GALNT7: variants seen among roughly 807,000 people sequenced by gnomAD.
The protein encoded by GALNT7 is N-acetylgalactosaminyltransferase 7.
A neutral mutation model predicts 82.1 loss-of-function variants in GALNT7; 60 were observed. The observed-to-expected ratio is 0.73, with a 90% CI of 0.59 to 0.91. The LOEUF is 0.91. Ranked by LOEUF, GALNT7 falls within the 40% of genes least tolerant of loss-of-function variation. GALNT7 has a pLI of 0.00. For missense variants in GALNT7, 660 were observed against 804.2 expected (o/e 0.82, Z 2.17); for synonymous variants, 243 against 275.1 (o/e 0.88, Z 1.15).
intron 8 of GALNT7, among the ~76,000 whole-genome samples, chr4:173,305,740 TTC>T (rs1368532104): frequency 6.6e-6 from 1 of 152,188 alleles, no homozygotes; most frequent in East Asian, 1.9e-4. Context: ...CTCTGTTCTG[TTC>T]TTTTGGTCTA....
chr4:173,265,609 CTCTCTCTCTCT>C (rs1735455661), intron 2 of GALNT7, among the ~76,000 whole-genome samples: 1 of 149,134 alleles, frequency 6.7e-6, no homozygotes, highest in Non-Finnish European at 1.5e-5. Context: ...CTCTCTCTCT[CTCTCTCTCTCT>C]GTCTCTGTCT....
chr4:173,174,163 C>G (rs151113511), intron 1 of GALNT7, among the ~76,000 whole-genome samples: 14 of 152,240 alleles, frequency 9.2e-5, no homozygotes, highest in Admixed American at 7.8e-4. Flanking sequence ...CTTCTCCCCC[C>G]ACACATAATA....
chr4:173,263,820 A>T (rs1735371479), intron 2 of GALNT7, among the ~76,000 whole-genome samples: 1 of 152,176 alleles, frequency 6.6e-6, no homozygotes, highest in Non-Finnish European at 1.5e-5. Context: ...AAAGTTGTCC[A>T]TATTTTTTAA....
chr4:173,265,079 C>T (rs907583089), intron 2 of GALNT7, among the ~76,000 whole-genome samples: 1 of 152,232 alleles, frequency 6.6e-6, no homozygotes, highest in Non-Finnish European at 1.5e-5. Flanking sequence ...CTGTGCCCAT[C>T]CTGGCAAGGA....
chr4:173,178,848 A>C (rs750882752), intron 1 of GALNT7, among the ~76,000 whole-genome samples: 1 of 152,260 alleles, frequency 6.6e-6, no homozygotes, highest in East Asian at 1.9e-4. Flanking sequence ...ATTACAAAGA[A>C]TATTTTAAAC....
intron 1 of GALNT7, among the ~76,000 whole-genome samples, chr4:173,244,797 A>G (rs1381145465): frequency 1.3e-5 from 2 of 152,146 alleles, no homozygotes; most frequent in East Asian, 3.9e-4. Flanking sequence ...ATTGACAGGA[A>G]TTTATGATTA....
intron 8 of GALNT7, among the ~76,000 whole-genome samples, chr4:173,310,448 C>T (rs1737338361): frequency 6.6e-6 from 1 of 152,290 alleles, no homozygotes; most frequent in Admixed American, 6.5e-5. Flanking sequence ...TGGCTCTTTG[C>T]CATCAAGTTC....
intron 6 of GALNT7, among the ~76,000 whole-genome samples, chr4:173,299,690 T>C (rs1334990670): frequency 1.3e-5 from 2 of 152,018 alleles, no homozygotes; most frequent in Non-Finnish European, 2.9e-5. Context: ...CTACTAAATA[T>C]ACAAAATTAG....
intron 6 of GALNT7, 61 bp downstream of exon 6, chr4:173,298,358 CT>C: frequency 9.2e-7 from 1 of 1,084,470 alleles, no homozygotes; most frequent in Non-Finnish European, 1.3e-6. Flanking sequence ...CTATTAACCT[CT>C]TGCCAAGCTA....
intron 1 of GALNT7, among the ~76,000 whole-genome samples, chr4:173,246,221 C>T (rs990770467): frequency 6.6e-6 from 1 of 152,076 alleles, no homozygotes; most frequent in Non-Finnish European, 1.5e-5. Flanking sequence ...TGATTATTGC[C>T]CTATGCAGAG....
At chr4:173,280,938 T>G (rs945176032) in intron 2 of GALNT7, among the ~76,000 whole-genome samples, 3 of 152,190 alleles carry the variant, frequency 2.0e-5, no homozygotes, top group African/African-American at 7.2e-5. Flanking sequence ...GATCCTGCCT[T>G]CAGGTTGACG....
At chr4:173,188,190 A>G (rs1007554807) in intron 1 of GALNT7, among the ~76,000 whole-genome samples, 1 of 152,214 alleles carries the variant, frequency 6.6e-6, no homozygotes, top group African/African-American at 2.4e-5. Context: ...TAATCTTCTG[A>G]CATTTTACAG....
At chr4:173,279,331 C>T (rs554755984) in intron 2 of GALNT7, among the ~76,000 whole-genome samples, 60 of 152,214 alleles carry the variant, frequency 3.9e-4, no homozygotes, top group African/African-American at 1.4e-3. Context: ...CACCAGAACT[C>T]ACTGTTGTGA....
chr4:173,170,680 A>G (rs1198640218), intron 1 of GALNT7, among the ~76,000 whole-genome samples: 1 of 152,226 alleles, frequency 6.6e-6, no homozygotes, highest in African/African-American at 2.4e-5. Flanking sequence ...GGATAACTGA[A>G]TATTGCAATT....
chr4:173,299,073 G>A (rs980542161), intron 6 of GALNT7, among the ~76,000 whole-genome samples: 2 of 152,126 alleles, frequency 1.3e-5, no homozygotes, highest in Admixed American at 6.5e-5. Context: ...TCCTGAATGT[G>A]TCTAATCTTA....
chr4:173,200,374 T>C (rs1039895727), intron 1 of GALNT7, among the ~76,000 whole-genome samples: 1 of 152,162 alleles, frequency 6.6e-6, no homozygotes, highest in Admixed American at 6.5e-5. Context: ...TATCTGTATA[T>C]GTCATACATG....
Position 173,322,871 on chromosome 4 carries a change from T to C in GALNT7, c.*1154T>C, listed in dbSNP as rs1011263488. The C allele has an allele frequency of 6.6e-6, 1 of 152,206 alleles. No homozygotes were observed. The highest frequency in any genetic ancestry group is 6.5e-5 in the Admixed American group (1 of 15,276). The allele number at this position is 152,206 out of a possible 1,614,324, so 9.4% of individuals were successfully genotyped here. On this transcript the variant is annotated 3_prime_UTR_variant, in exon 12 of 12. Coordinates refer to ENST00000265000, the MANE Select transcript of GALNT7 (RefSeq NM_017423.3). ...TTTTTAAAATTTAAAAACAAAGGAC[T>C]ATTTAAAAATACAGTTTATTAACAA... is the stretch of plus-strand genomic sequence containing the variant.
At chr4:173,304,157 CATTT>C (rs753416672) in intron 8 of GALNT7, 39 bp downstream of exon 8, 2 of 1,577,728 alleles carry the variant, frequency 1.3e-6, no homozygotes, top group Admixed American at 3.4e-5. Flanking sequence ...AGGGAACTAA[CATTT>C]ATGTACCACA....
chr4:173,253,486 A>C (rs1423237934), intron 2 of GALNT7, among the ~76,000 whole-genome samples: 1 of 152,102 alleles, frequency 6.6e-6, no homozygotes, highest in Non-Finnish European at 1.5e-5. Context: ...AAACTAGTAG[A>C]GGTGTTAGAG....
Sources: gnomAD v4.1 joint callset for allele counts (sites outside exome capture counted in the v4.1 genomes callset) on GRCh38, gnomAD v4.1.1 for gene constraint, MANE v1.5 for transcripts, NCBI Gene and HGNC (gene_info 2026-07-23, HGNC 2026-07-21) for gene names.